The following MAP3K15 variants were observed in gnomAD, a reference collection of about 807,000 sequenced individuals.
MAP3K15 encodes mitogen-activated protein kinase kinase kinase 15.
In MAP3K15, 124 loss-of-function variants were observed where a neutral mutation model predicts 99.5. The ratio of observed to expected loss-of-function variants is 1.25; its 90% CI spans 1.08 to 1.45. The LOEUF (loss-of-function observed/expected upper bound fraction) is 1.45, where lower values mean the gene tolerates loss of function less well. Ranked by LOEUF, MAP3K15 falls within the 40% of genes most tolerant of loss-of-function variation. The probability of loss-of-function intolerance (pLI) is 0.00; values close to 1 mark genes in which losing one functional copy is unlikely to be tolerated. For synonymous variants in MAP3K15, 494 were observed against 439.6 expected (o/e 1.12, Z -1.55); for missense variants, 1,242 against 1,079.7 (o/e 1.15, Z -2.11).
chrX:19,360,327 T>C lies in MAP3K15; in HGVS notation c.*422A>G, dbSNP rs1281040569. 4 of 144,830 alleles carry C rather than the reference T, an allele frequency of 2.8e-5. No homozygotes were observed. Among genetic ancestry groups the C allele is most frequent in the Admixed American group, 2.4e-4 (3 of 12,332 alleles). The allele number at this position is 144,830 out of a possible 1,213,427, so 11.9% of individuals were successfully genotyped here. On this transcript the variant is annotated 3_prime_UTR_variant, in exon 29 of 29. Coordinates refer to ENST00000338883, the MANE Select transcript of MAP3K15 (RefSeq NM_001001671.4). The stretch of plus-strand genomic sequence containing the variant: ...TTCCATGTTTGTTAAATACCCCTTG[T>C]TTGTTTCACCATTCCAGCAAGTGCT...
At chrX:19,449,872 G>T (rs1367570834) in intron 6 of MAP3K15, among the ~76,000 whole-genome samples, 2 of 108,577 alleles carry the variant, frequency 1.8e-5, no homozygotes, top group Non-Finnish European at 1.9e-5. Flanking sequence ...ATTGTCTGTG[G>T]TGGCAATCTC....
At position 19,367,723 on chromosome X, in the gene MAP3K15, ATTTTTTTTTTTTTTTTTTTTTTTT is replaced by A. The variant is rs748998915; in HGVS notation, c.3566+1307_3566+1330del. ...ACCAACTCATTTGCTATAACTATGG[ATTTTTTTTTTTTTTTTTTTTTTTT>A]TTTTTTTTTTTTTTTTTTTGAGACA... On this transcript the variant is annotated intron_variant, in intron 25 of 28. Coordinates refer to ENST00000338883, the MANE Select transcript of MAP3K15 (RefSeq NM_001001671.4). Among the ~76,000 whole-genome samples, 511 of 24,171 alleles carry A rather than the reference ATTTTTTTTTTTTTTTTTTTTTTTT, an allele frequency of 0.021. 20 individuals are homozygous for A. The Admixed American group carries it at 0.21, about 10-fold the overall frequency. The allele number at this position is 24,171 out of a possible 115,157, so 21.0% of individuals were successfully genotyped here. A position where few individuals can be genotyped will look rare whatever the true frequency, so the allele number is the denominator to read the frequency against.
intron 13 of MAP3K15, among the ~76,000 whole-genome samples, chrX:19,402,139 T>G (rs1431569079): frequency 2.1e-5 from 2 of 94,189 alleles, no homozygotes; most frequent in African/African-American, 1.2e-4. Flanking sequence ...TTTTTTTTTT[T>G]TTTAAATTAG....
chrX:19,378,446 T>C (rs892268482), intron 19 of MAP3K15, among the ~76,000 whole-genome samples: 1 of 111,895 alleles, frequency 8.9e-6, no homozygotes, highest in Non-Finnish European at 1.9e-5. Flanking sequence ...TTTACATCCA[T>C]GGCAGAAGGC....
Position 19,360,605 on chromosome X carries a change from A to G in MAP3K15, c.*144T>C, listed in dbSNP as rs2063271339. ...GGTTTCAAAAGAAACTCAGGACAGT[A>G]TTTAAAACAAGTTCTTAAACTATTA... On this transcript the variant is annotated 3_prime_UTR_variant, in exon 29 of 29. Transcript: ENST00000338883. The G allele has an allele frequency of 2.1e-6, 1 of 468,694 alleles. No homozygotes were observed. Among genetic ancestry groups the G allele is most frequent in the Non-Finnish European group, 3.7e-6 (1 of 273,164 alleles). 38.6% of individuals were successfully genotyped at this position (468,694 alleles called of 1,213,427 possible). A position where few individuals can be genotyped will look rare whatever the true frequency, so the allele number is the denominator to read the frequency against.
intron 11 of MAP3K15, among the ~76,000 whole-genome samples, chrX:19,410,699 C>T (rs769334069): frequency 8.9e-6 from 1 of 111,830 alleles, no homozygotes; most frequent in South Asian, 3.7e-4. Flanking sequence ...AATAAAAAAA[C>T]TAACTGGGAT....
chrX:19,412,461 G>C (rs1315840333), intron 11 of MAP3K15, among the ~76,000 whole-genome samples: 1 of 111,378 alleles, frequency 9.0e-6, no homozygotes, highest in Non-Finnish European at 1.9e-5. Context: ...GCAAAAGCTA[G>C]GACTTGGATA....
In MAP3K15 at chrX:19,431,538, G is replaced by C. The variant is rs369774710; in HGVS notation, c.1066C>G (p.Pro356Ala). Residue 356 changes from proline to alanine, a missense_variant, in exon 7 of 29, where the codon CCG (proline) becomes GCG (alanine). Coordinates refer to ENST00000338883, the MANE Select transcript of MAP3K15 (RefSeq NM_001001671.4). ...MLQVLQSCDHPGPDMFCLCGR... is the reference protein window; with the variant it reads ...MLQVLQSCDHAGPDMFCLCGR... ...CACAGGCAGAACATGTCGGGGCCCG[G>C]GTGATCACAGCTCTGCAGAACCTGG... 7 of 1,197,426 alleles carry C rather than the reference G, an allele frequency of 5.8e-6. No individual in the cohort carries two copies. The African/African-American group carries it at 1.2e-4, about 21-fold the overall frequency.
chrX:19,495,362 T>C (rs1180183455), intron 1 of MAP3K15, among the ~76,000 whole-genome samples: 1 of 111,546 alleles, frequency 9.0e-6, no homozygotes, highest in African/African-American at 3.3e-5. Context: ...GGAGCCAATA[T>C]ACCAATTCAG....
At chrX:19,494,877 T>TAAAAAAAAAAAAA (rs1330420764) in intron 1 of MAP3K15, among the ~76,000 whole-genome samples, 1 of 82,953 alleles carries the variant, frequency 1.2e-5, no homozygotes, top group Non-Finnish European at 2.5e-5. Flanking sequence ...AAAGCTACCT[T>TAAAAAAAAAAAAA]TAAAAAAAAA....
intron 25 of MAP3K15, among the ~76,000 whole-genome samples, chrX:19,366,006 CAAAAAAAAAAAAA>C (rs1172350617): frequency 8.3e-3 from 166 of 20,114 alleles, no homozygotes; most frequent in Non-Finnish European, 0.02. Context: ...GCCTCCATCT[CAAAAAAAAAAAAA>C]AAAAAAAAAA....
intron 5 of MAP3K15, among the ~76,000 whole-genome samples, chrX:19,457,525 T>A (rs1569231495): frequency 9.0e-6 from 1 of 111,539 alleles, no homozygotes; most frequent in African/African-American, 3.3e-5. Context: ...GGCAGGAGAA[T>A]TGATTGAACC....
At chrX:19,454,605 C>T (rs1490003980) in intron 6 of MAP3K15, among the ~76,000 whole-genome samples, 2 of 111,524 alleles carry the variant, frequency 1.8e-5, no homozygotes, top group African/African-American at 6.5e-5. Flanking sequence ...TACTGCCAAC[C>T]TTCAGTAACT....
Position 19,369,114 on chromosome X carries a change from G to A in MAP3K15, c.3506C>T (p.Ala1169Val). 1 of 1,210,199 alleles carries A rather than the reference G, an allele frequency of 8.3e-7. No individual in the cohort carries two copies. ...YPPATGPGQE[A>V]QPHQQHLSLQ... is the part of the protein sequence containing the mutation. Reference sequence around the variant, plus strand: ...GCTCAGGTGCTGCTGGTGGGGCTGGGCCTCCTGGCCAGGTCCGGTGGCTGG... The same window carrying A: ...GCTCAGGTGCTGCTGGTGGGGCTGGACCTCCTGGCCAGGTCCGGTGGCTGG... Residue 1169 changes from alanine to valine, a missense_variant, in exon 25 of 29, where the codon GCC (alanine) becomes GTC (valine). Physicochemically the swap from Ala to Val is moderately conservative, Grantham distance 64. Transcript: ENST00000338883.
At position 19,414,075 on chromosome X, in the gene MAP3K15, C is replaced by A. The variant is rs377091245; in HGVS notation, c.1591-611G>T. The stretch of plus-strand genomic sequence containing the variant: ...ACTCAGGAGGCTGAGGCAGGAGAAT[C>A]ACTTGAACCCAGGAGGCGGAGGTTG... On this transcript the variant is annotated intron_variant, in intron 10 of 28. Transcript: ENST00000338883. Among the ~76,000 whole-genome samples, 3 of 104,734 alleles carry A rather than the reference C, an allele frequency of 2.9e-5. No individual in the cohort carries two copies. In the East Asian group the frequency reaches 9.2e-4, roughly 32 times the overall value. 90.9% of individuals were successfully genotyped at this position (104,734 alleles called of 115,157 possible).
chrX:19,513,722 G>A (rs1281145210), intron 1 of MAP3K15, among the ~76,000 whole-genome samples: 1 of 111,766 alleles, frequency 8.9e-6, no homozygotes, highest in African/African-American at 3.3e-5. Flanking sequence ...GGTAGGCACT[G>A]TTAACTCCCT....
At chrX:19,384,170 T>G (rs1445676129) in intron 18 of MAP3K15, among the ~76,000 whole-genome samples, 1 of 111,499 alleles carries the variant, frequency 9.0e-6, no homozygotes, top group Non-Finnish European at 1.9e-5. Flanking sequence ...AAGAATGAGA[T>G]CCTGTCATCT....
chrX:19,366,279 C>A (rs963113051), intron 25 of MAP3K15, among the ~76,000 whole-genome samples: 1 of 111,454 alleles, frequency 9.0e-6, no homozygotes, highest in African/African-American at 3.3e-5. Flanking sequence ...AAGGAGACAA[C>A]TCAAGCTTGT....
At chrX:19,409,426 C>A (rs930344877) in intron 12 of MAP3K15, among the ~76,000 whole-genome samples, 1 of 111,341 alleles carries the variant, frequency 9.0e-6, no homozygotes, top group African/African-American at 3.3e-5. Flanking sequence ...TAAGGCCACA[C>A]AGCTCAGGCT....
Sources: allele counts gnomAD v4.1 joint callset (sites outside exome capture counted in the v4.1 genomes callset), GRCh38; gene constraint gnomAD v4.1.1; transcripts MANE v1.5; gene names NCBI Gene and HGNC (gene_info 2026-07-23, HGNC 2026-07-21).